Variants in ARSB observed in about 807,000 individuals in gnomAD.
ARSB encodes the protein N-acetylgalactosamine-4-sulfatase.
In ARSB, 41 loss-of-function variants were observed where a neutral mutation model predicts 50.9. The observed-to-expected ratio is 0.81, with a 90% CI of 0.63 to 1.04. ARSB has a LOEUF of 1.04. Ranked by LOEUF, ARSB falls within the 50% of genes least tolerant of loss-of-function variation. The pLI is 0.00. For synonymous variants in ARSB, 269 were observed against 284.8 expected (o/e 0.94, Z 0.56); for missense variants, 672 against 693.3 (o/e 0.97, Z 0.35).
intron 4 of ARSB, among the ~76,000 whole-genome samples, chr5:78,907,890 G>A (rs1749134549): frequency 6.6e-6 from 1 of 152,138 alleles, no homozygotes; most frequent in African/African-American, 2.4e-5. Flanking sequence ...AGGGAGACTG[G>A]CAAATGTGGG....
intron 4 of ARSB, among the ~76,000 whole-genome samples, chr5:78,927,253 A>C (rs1430108173): frequency 1.3e-5 from 2 of 152,144 alleles, no homozygotes; most frequent in African/African-American, 4.8e-5. Context: ...AAAATTATGG[A>C]GGTATTATTT....
intron 4 of ARSB, among the ~76,000 whole-genome samples, chr5:78,919,317 G>A (rs1749697349): frequency 6.6e-6 from 1 of 152,164 alleles, no homozygotes; most frequent in East Asian, 1.9e-4. Context: ...GTTCTTGAAT[G>A]TGGAGAAGCT....
intron 1 of ARSB, among the ~76,000 whole-genome samples, chr5:78,981,521 G>A (rs919687282): frequency 6.6e-6 from 1 of 152,218 alleles, no homozygotes. Context: ...GATGGGGTTA[G>A]TATGATAGGT....
At chr5:78,876,625 G>A in intron 5 of ARSB, among the ~76,000 whole-genome samples, 1 of 152,214 alleles carries the variant, frequency 6.6e-6, no homozygotes, top group East Asian at 1.9e-4. Context: ...AGCAGACAGA[G>A]CTGAGTCCAG....
chr5:78,891,115 G>C (rs1251244965), intron 4 of ARSB, among the ~76,000 whole-genome samples: 1 of 152,188 alleles, frequency 6.6e-6, no homozygotes, highest in African/African-American at 2.4e-5. Flanking sequence ...AGGGCTCAAT[G>C]ATTTGGAGGA....
chr5:78,821,078 T>C (rs2112675019), intron 6 of ARSB, among the ~76,000 whole-genome samples: 1 of 152,314 alleles, frequency 6.6e-6, no homozygotes, highest in African/African-American at 2.4e-5. Flanking sequence ...CTGTTAGCAG[T>C]GGTCACCTCT....
At chr5:78,851,555 G>T (rs568603415) in intron 5 of ARSB, among the ~76,000 whole-genome samples, 25 of 152,142 alleles carry the variant, frequency 1.6e-4, no homozygotes, top group South Asian at 6.2e-4. Flanking sequence ...GGGTGGAGAG[G>T]TCTGTAGATG....
intron 4 of ARSB, among the ~76,000 whole-genome samples, chr5:78,894,498 C>A (rs78527676): frequency 0.022 from 3,323 of 152,256 alleles, 120 homozygotes; most frequent in African/African-American, 0.074. Context: ...AGTTTCATTT[C>A]CTCAGAGTTC....
intron 6 of ARSB, among the ~76,000 whole-genome samples, chr5:78,818,767 G>A (rs1056633960): frequency 3.3e-5 from 5 of 151,926 alleles, no homozygotes; most frequent in Admixed American, 6.6e-5. Flanking sequence ...TCAGGCGCCC[G>A]CTACCAGAAG....
At chr5:78,861,684 T>C (rs1746444538) in intron 5 of ARSB, among the ~76,000 whole-genome samples, 1 of 152,126 alleles carries the variant, frequency 6.6e-6, no homozygotes, top group Non-Finnish European at 1.5e-5. Context: ...CTGGAAGCAT[T>C]CCCTTTGAAA....
At chr5:78,943,654 G>A (rs1751055785) in intron 4 of ARSB, among the ~76,000 whole-genome samples, 1 of 152,246 alleles carries the variant, frequency 6.6e-6, no homozygotes, top group Non-Finnish European at 1.5e-5. Context: ...CCGACTGTTA[G>A]TCTGATGGGC....
At chr5:78,815,453 C>A in intron 6 of ARSB, 1 of 841,876 alleles carries the variant, frequency 1.2e-6, no homozygotes, top group Non-Finnish European at 1.4e-6. Flanking sequence ...CCTCTCTGTG[C>A]CAGAAAGTGT....
Position 78,780,197 on chromosome 5 carries a change from C to T in ARSB, c.*200G>A. 3.0e-6 allele frequency: 2 copies of T among 676,698 alleles called. No individual in the cohort carries two copies. Among genetic ancestry groups the T allele is most frequent in the Non-Finnish European group, 2.5e-6 (1 of 401,232 alleles). The allele number at this position is 676,698 out of a possible 1,614,324, so 41.9% of individuals were successfully genotyped here. ...AGCCACCCCCACCTCTAGACACATG[C>T]TCCAGCCAACAGCAGGAGTGTTGCA... On this transcript the variant is annotated 3_prime_UTR_variant, in exon 8 of 8. Transcript: ENST00000264914.
intron 5 of ARSB, 27 bp downstream of exon 5, chr5:78,885,557 G>C (rs752366493): frequency 6.2e-7 from 1 of 1,610,362 alleles, no homozygotes; most frequent in Non-Finnish European, 8.5e-7. Context: ...TTCTGTCCTG[G>C]GAGGAAAAAG....
At chr5:78,789,534 C>T (rs16875915) in intron 6 of ARSB, among the ~76,000 whole-genome samples, 2,092 of 152,240 alleles carry the variant, frequency 0.014, 20 homozygotes, top group Non-Finnish European at 0.021. Flanking sequence ...CAGTTCTTAA[C>T]GATGCATGTA....
At chr5:78,808,351 T>C (rs1406729879) in intron 6 of ARSB, among the ~76,000 whole-genome samples, 1 of 152,022 alleles carries the variant, frequency 6.6e-6, no homozygotes, top group African/African-American at 2.4e-5. Context: ...CTCATAATCA[T>C]GATACTATTA....
Position 78,981,108 on chromosome 5 carries a change from G to A in ARSB, c.312+3829C>T, listed in dbSNP as rs1240828922. On this transcript the variant is annotated intron_variant, in intron 1 of 7. Coordinates refer to ENST00000264914, the MANE Select transcript of ARSB (RefSeq NM_000046.5). ...TGGGACTACAGGCGCCCGCCACTAC[G>A]CCCGGCTAATTTTTTGTATTTTTAG... 5.5e-5 allele frequency among the ~76,000 whole-genome samples: 2 copies of A among 36,038 alleles called. 1 individual carries two copies. 23.6% of individuals were successfully genotyped at this position (36,038 alleles called of 152,430 possible).
At chr5:78,925,781 G>A (rs1040804267) in intron 4 of ARSB, among the ~76,000 whole-genome samples, 6 of 152,066 alleles carry the variant, frequency 3.9e-5, no homozygotes, top group African/African-American at 7.2e-5. Flanking sequence ...TGTGCTTTTC[G>A]ACAAATGACT....
chr5:78,925,871 C>G (rs1420874161), intron 4 of ARSB, among the ~76,000 whole-genome samples: 1 of 152,050 alleles, frequency 6.6e-6, no homozygotes, highest in Non-Finnish European at 1.5e-5. Context: ...ATAAAGCATG[C>G]TCCAGAACAA....
Sources: gnomAD v4.1 joint callset for allele counts (sites outside exome capture counted in the v4.1 genomes callset) on GRCh38, gnomAD v4.1.1 for gene constraint, MANE v1.5 for transcripts, NCBI Gene and HGNC (gene_info 2026-07-23, HGNC 2026-07-21) for gene names.